The following PLAG1 variants were observed in gnomAD, a reference collection of about 807,000 sequenced individuals.
The protein encoded by PLAG1 is PLAG1 zinc finger, also known as zinc finger protein PLAG1.
A neutral mutation model predicts 35.5 loss-of-function variants in PLAG1; 7 were observed. The observed-to-expected ratio is 0.20, with a 90% confidence interval of 0.11 to 0.37. The LOEUF (loss-of-function observed/expected upper bound fraction) is 0.37, where lower values mean the gene tolerates loss of function less well. Among genes scored for constraint, PLAG1 ranks in the 10% least tolerant of loss-of-function variants. The pLI, the probability that PLAG1 is intolerant of heterozygous loss-of-function variation, is 1.00. For synonymous variants in PLAG1, 229 were observed against 225.4 expected, an observed-to-expected ratio of 1.02 and a Z score of -0.14; for missense variants, 454 against 602.8, an observed-to-expected ratio of 0.75 and a Z score of 2.58.
intron 1 of PLAG1, among the ~76,000 whole-genome samples, chr8:56,203,091 G>A (rs1014855542): frequency 2.6e-5 from 4 of 151,608 alleles, no homozygotes; most frequent in African/African-American, 9.7e-5. Context: ...AATATATCAC[G>A]ATCTTTAAGT....
intron 1 of PLAG1, among the ~76,000 whole-genome samples, chr8:56,195,221 G>C (rs946959242): frequency 2.0e-5 from 3 of 152,152 alleles, no homozygotes; most frequent in African/African-American, 7.2e-5. Flanking sequence ...GTGTTTTGCT[G>C]AGAATTTTTT....
At chr8:56,194,553 A>G (rs1812295888) in intron 1 of PLAG1, among the ~76,000 whole-genome samples, 2 of 151,934 alleles carry the variant, frequency 1.3e-5, no homozygotes, top group Admixed American at 1.3e-4. Flanking sequence ...GAACCGGAAG[A>G]GCATCTGCTG....
rs895123214 is a variant in PLAG1, at chr8:56,161,404, T to G, written c.*4839A>C. ...CTTTTTCATTAGCTAAAAATACAATTTCAGCAGTCCAGCTTATGTTCAGGT... is the reference window on the plus strand; with the variant it reads ...CTTTTTCATTAGCTAAAAATACAATGTCAGCAGTCCAGCTTATGTTCAGGT... On this transcript the variant is annotated 3_prime_UTR_variant, in exon 5 of 5. Coordinates refer to ENST00000316981, the MANE Select transcript of PLAG1 (RefSeq NM_002655.3). 7 of 219,714 alleles carry G rather than the reference T, an allele frequency of 3.2e-5. No individual in the cohort carries two copies. The highest frequency in any genetic ancestry group is 1.3e-4 in the African/African-American group (6 of 44,590). 13.6% of individuals were successfully genotyped at this position (219,714 alleles called of 1,614,324 possible).
At chr8:56,180,125 A>G (rs1191060352) in intron 1 of PLAG1, among the ~76,000 whole-genome samples, 3 of 152,364 alleles carry the variant, frequency 2.0e-5, no homozygotes, top group East Asian at 3.9e-4. Context: ...TGCAAAATGT[A>G]TTCTGAAGTA....
rs1811335831 is a variant in PLAG1, at chr8:56,165,796, A to T, written c.*447T>A. On this transcript the variant is annotated 3_prime_UTR_variant, in exon 5 of 5. Transcript: ENST00000316981. ...TTGATTATTAATCCATTTAGAAGCT[A>T]GTAAGAAAATTTAAACCCTTGAGTT... is the stretch of plus-strand genomic sequence containing the variant. 5.1e-6 allele frequency: 1 copy of T among 195,602 alleles called. No individual in the cohort carries two copies. The highest frequency in any genetic ancestry group is 1.1e-5 in the Non-Finnish European group (1 of 94,188). The allele number at this position is 195,602 out of a possible 1,614,324, so 12.1% of individuals were successfully genotyped here.
rs150353769 is a variant in PLAG1, at chr8:56,166,741, C to T, written c.1005G>A (p.Pro335=). The T allele has an allele frequency of 1.8e-4, 287 of 1,613,922 alleles. No homozygotes were observed. Among genetic ancestry groups the T allele is most frequent in the South Asian group, 3.8e-4 (35 of 91,070 alleles). Reference sequence around the variant, plus strand: ...AAATTGCATATGAGGTAGAACTGAACGGATATTTGAAAGAAAGGTGGTGAG... The same window carrying T: ...AAATTGCATATGAGGTAGAACTGAATGGATATTTGAAAGAAAGGTGGTGAG... ...HPSHHLSFKY[P]FSSTSYAISI... Residue 335 remains proline (P), a synonymous_variant, in exon 5 of 5, where the codon CCG becomes CCA. Coordinates refer to ENST00000316981, the MANE Select transcript of PLAG1 (RefSeq NM_002655.3).
intron 2 of PLAG1, among the ~76,000 whole-genome samples, chr8:56,174,937 T>A (rs1811642143): frequency 6.6e-6 from 1 of 152,214 alleles, no homozygotes; most frequent in African/African-American, 2.4e-5. Context: ...GCAAATACTA[T>A]GCCATTTTAT....
At chr8:56,185,675 T>C (rs759984442) in intron 1 of PLAG1, among the ~76,000 whole-genome samples, 31 of 152,200 alleles carry the variant, frequency 2.0e-4, no homozygotes, top group Non-Finnish European at 3.7e-4. Flanking sequence ...CTGTCAAACT[T>C]GGAGGAAGCC....
intron 1 of PLAG1, among the ~76,000 whole-genome samples, chr8:56,196,739 C>T (rs1812378460): frequency 6.6e-6 from 1 of 152,146 alleles, no homozygotes; most frequent in South Asian, 2.1e-4. Context: ...GTCTTAACTC[C>T]TCTGCAAGGG....
Position 56,167,352 on chromosome 8 carries a change from T to C in PLAG1, c.394A>G (p.Thr132Ala). ...KCEECGKNYN[T>A]KLGFKRHLAL... Reference sequence around the variant, plus strand: ...AAGTGACGTTTAAATCCAAGCTTGGTATTGTAGTTCTTGCCACATTCTTCG... The same window carrying C: ...AAGTGACGTTTAAATCCAAGCTTGGCATTGTAGTTCTTGCCACATTCTTCG... Residue 132 changes from threonine (T) to alanine (A), a missense_variant, in exon 5 of 5, where the codon ACC (threonine) becomes GCC (alanine). Transcript: ENST00000316981. This position sits in a 1 kb window ranked among gnomAD's most constrained non-coding sequence, Gnocchi z 5.9. The C allele has an allele frequency of 6.2e-7, 1 of 1,614,060 alleles. No homozygotes were observed. The highest frequency in any genetic ancestry group is 8.5e-7 in the Non-Finnish European group (1 of 1,179,988).
At chr8:56,191,900 T>C (rs1812195216) in intron 1 of PLAG1, among the ~76,000 whole-genome samples, 1 of 151,944 alleles carries the variant, frequency 6.6e-6, no homozygotes, top group African/African-American at 2.4e-5. Flanking sequence ...CATTTCATAT[T>C]GAGGAATGTA....
intron 1 of PLAG1, among the ~76,000 whole-genome samples, chr8:56,208,999 A>T (rs2129236678): frequency 6.6e-6 from 1 of 152,314 alleles, no homozygotes; most frequent in South Asian, 2.1e-4. Flanking sequence ...CCTTCCCCCT[A>T]AAGAAATGCC....
At chr8:56,184,644 A>G (rs1811969319) in intron 1 of PLAG1, among the ~76,000 whole-genome samples, 1 of 152,210 alleles carries the variant, frequency 6.6e-6, no homozygotes, top group Non-Finnish European at 1.5e-5. Flanking sequence ...TCATGTCTGT[A>G]ATCCCAGCAC....
At chr8:56,187,621 G>A (rs1340533829) in intron 1 of PLAG1, among the ~76,000 whole-genome samples, 1 of 152,144 alleles carries the variant, frequency 6.6e-6, no homozygotes, top group African/African-American at 2.4e-5. Context: ...AGAAGTAAGT[G>A]CTGCCCTGGC....
rs1335106915 is a variant in PLAG1 at position 56,165,515 on chromosome 8, C to G, written c.*728G>C. 4.8e-6 allele frequency: 1 copy of G among 208,848 alleles called. No homozygotes were observed. Among genetic ancestry groups the G allele is most frequent in the Non-Finnish European group, 9.8e-6 (1 of 102,510 alleles). The allele number at this position is 208,848 out of a possible 1,614,324, so 12.9% of individuals were successfully genotyped here. On this transcript the variant is annotated 3_prime_UTR_variant, in exon 5 of 5. Transcript: ENST00000316981. ...GCATGTTAAGAAGGATGAAACACGA[C>G]AAAATATCCTGTGTACTAATTTAGG...
chr8:56,209,599 T>G (rs1411492561), intron 1 of PLAG1: 1 of 152,274 alleles, frequency 6.6e-6, no homozygotes, highest in East Asian at 1.9e-4. Flanking sequence ...AACATCAATG[T>G]GATGCAAGAG....
intron 1 of PLAG1, among the ~76,000 whole-genome samples, chr8:56,187,641 A>T (rs1812058608): frequency 6.6e-6 from 1 of 152,324 alleles, no homozygotes; most frequent in Admixed American, 6.5e-5. Flanking sequence ...CCTGATATGG[A>T]TTTAAAAAAT....
intron 3 of PLAG1, 41 bp downstream of exon 3, chr8:56,171,050 T>C (rs1352211100): frequency 2.6e-6 from 1 of 387,496 alleles, no homozygotes; most frequent in Non-Finnish European, 3.5e-6. Context: ...ACTTTAAAGG[T>C]GCATGCATAG....
chr8:56,196,406 C>T (rs866629529), intron 1 of PLAG1, among the ~76,000 whole-genome samples: 28 of 152,258 alleles, frequency 1.8e-4, no homozygotes, highest in African/African-American at 5.3e-4. Context: ...GTGATGCCTC[C>T]GCTGTATACT....
Sources: allele counts gnomAD v4.1 joint callset (sites outside exome capture counted in the v4.1 genomes callset), GRCh38; gene constraint gnomAD v4.1.1; non-coding constraint Gnocchi (gnomAD v3.1); transcripts MANE v1.5; gene names NCBI Gene and HGNC (gene_info 2026-07-23, HGNC 2026-07-21).